The following CATSPERD variants were observed in gnomAD, a reference collection of about 807,000 sequenced individuals.
CATSPERD encodes catsper channel auxiliary subunit delta.
Under a neutral mutation model 98.1 loss-of-function variants are expected in CATSPERD, and 86 were observed. That is an observed-to-expected ratio of 0.88 (90% CI 0.74 to 1.05). The LOEUF (loss-of-function observed/expected upper bound fraction) is 1.05. Among genes scored for constraint, CATSPERD ranks in the 50% least tolerant of loss-of-function variants. The pLI is 0.00. For missense variants in CATSPERD, 995 were observed against 1,005.7 expected (o/e 0.99, Z 0.14); for synonymous variants, 394 against 390.2 (o/e 1.01, Z -0.12).
chr19:5,775,056 GGCTAAGTTATTAA>G (rs1442245720), intron 20 of CATSPERD, among the ~76,000 whole-genome samples: 1 of 152,086 alleles, frequency 6.6e-6, no homozygotes, highest in Non-Finnish European at 1.5e-5. Context: ...CTCTCACCCA[GGCTAAGTTATTAA>G]GCCTCCAGCC....
intron 9 of CATSPERD, among the ~76,000 whole-genome samples, chr19:5,747,309 G>T (rs2056113748): frequency 1.3e-5 from 2 of 151,032 alleles, no homozygotes; most frequent in South Asian, 4.2e-4. Flanking sequence ...CAGTAACTGG[G>T]ACTACAGGTG....
intron 13 of CATSPERD, among the ~76,000 whole-genome samples, 157 bp downstream of exon 13, chr19:5,754,402 T>C (rs2056285930): frequency 6.9e-6 from 1 of 145,222 alleles, no homozygotes; most frequent in African/African-American, 2.5e-5. Context: ...TCTTTTTTTT[T>C]TTTTTTTTTT....
In CATSPERD at chr19:5,754,127, A is replaced by C; in HGVS notation, c.1165-5A>C. ...ATTATCTTTCTTCTTCGCCTTTTTA[A>C]CTAGATAGAGTTTCTGACAGGAGAA... On this transcript the variant is annotated splice_region_variant and splice_polypyrimidine_tract_variant and intron_variant, in intron 12 of 21. Coordinates refer to ENST00000381624, the MANE Select transcript of CATSPERD (RefSeq NM_152784.4). 6.3e-7 allele frequency: 1 copy of C among 1,582,918 alleles called. No homozygotes were observed. Among genetic ancestry groups the C allele is most frequent in the East Asian group, 2.2e-5 (1 of 44,744 alleles).
intron 11 of CATSPERD, among the ~76,000 whole-genome samples, chr19:5,750,827 C>T (rs2056198537): frequency 6.6e-6 from 1 of 152,002 alleles, no homozygotes; most frequent in Admixed American, 6.6e-5. Flanking sequence ...TTCCTCCCTC[C>T]CCCAGCCCTC....
At chr19:5,761,206 AT>A (rs1463491157) in intron 15 of CATSPERD, among the ~76,000 whole-genome samples, 60 of 151,866 alleles carry the variant, frequency 4.0e-4, no homozygotes, top group Non-Finnish European at 7.4e-5. Flanking sequence ...GGTTCAAATG[AT>A]TCTCTTGCCT....
At chr19:5,727,365 C>G in intron 3 of CATSPERD, 21 bp downstream of exon 3, 2 of 1,462,154 alleles carry the variant, frequency 1.4e-6, no homozygotes, top group Non-Finnish European at 1.9e-6. Flanking sequence ...ATTTTATGTA[C>G]TGTTACCTTC....
chr19:5,766,288 TGA>T, intron 17 of CATSPERD, 133 bp downstream of exon 17: 17 of 195,844 alleles, frequency 8.7e-5, no homozygotes, highest in South Asian at 1.3e-4. Flanking sequence ...CCGTCTCTAC[TGA>T]AAAAAAAAAA....
chr19:5,775,333 T>G, intron 20 of CATSPERD: 1 of 468,180 alleles, frequency 2.1e-6, no homozygotes, highest in Non-Finnish European at 4.4e-6. Flanking sequence ...CCTGCGTATT[T>G]ATTGAGTAGA....
chr19:5,753,328 A>G (rs1366539368), intron 12 of CATSPERD, among the ~76,000 whole-genome samples: 1 of 151,830 alleles, frequency 6.6e-6, no homozygotes, highest in African/African-American at 2.4e-5. Flanking sequence ...TGGGAGGCTA[A>G]GGTGGGTGGA....
chr19:5,731,013 A>T (rs2055705455), intron 4 of CATSPERD, among the ~76,000 whole-genome samples: 1 of 149,364 alleles, frequency 6.7e-6, no homozygotes, highest in South Asian at 2.1e-4. Flanking sequence ...AATGGCATGA[A>T]CCCAGGAGGC....
intron 13 of CATSPERD, 142 bp from the exon 14 acceptor site, chr19:5,757,701 A>G: frequency 1.8e-6 from 1 of 542,288 alleles, no homozygotes; most frequent in Non-Finnish European, 3.2e-6. Context: ...TTGGTCTCCC[A>G]AAGTGCTGGG....
At chr19:5,720,886 T>C in intron 1 of CATSPERD, 78 bp downstream of exon 1, 1 of 1,228,456 alleles carries the variant, frequency 8.1e-7, no homozygotes, top group Non-Finnish European at 1.1e-6. Context: ...AGCCGAGGCC[T>C]GCTCCCCAAC....
intron 13 of CATSPERD, among the ~76,000 whole-genome samples, chr19:5,755,808 A>T (rs1159167345): frequency 1.3e-5 from 2 of 151,634 alleles, no homozygotes; most frequent in African/African-American, 2.4e-5. Flanking sequence ...AAAATAAATT[A>T]AAAAAATAAA....
chr19:5,757,069 G>T (rs1222361977), intron 13 of CATSPERD, among the ~76,000 whole-genome samples: 4 of 152,012 alleles, frequency 2.6e-5, no homozygotes, highest in Non-Finnish European at 5.9e-5. Flanking sequence ...GGCCAATATG[G>T]TGAAACCCCA....
chr19:5,767,689 G>A (rs938947716), intron 17 of CATSPERD, among the ~76,000 whole-genome samples: 4 of 151,028 alleles, frequency 2.6e-5, no homozygotes, highest in East Asian at 2.0e-4. Context: ...GGGTTTCACC[G>A]TGTTAGCCAG....
intron 20 of CATSPERD, among the ~76,000 whole-genome samples, chr19:5,774,823 C>T (rs754713725): frequency 9.9e-5 from 15 of 152,114 alleles, no homozygotes; most frequent in Admixed American, 9.2e-4. Flanking sequence ...TAGAGACCAG[C>T]CTGACCAACA....
chr19:5,770,993 C>T lies in CATSPERD; in HGVS notation c.1684C>T (p.His562Tyr). The T allele has an allele frequency of 1.2e-6, 2 of 1,614,012 alleles. No individual in the cohort carries two copies. The highest frequency in any genetic ancestry group is 1.7e-6 in the Non-Finnish European group (2 of 1,179,956). Reference sequence around the variant, plus strand: ...GGGGCAGCAGTCCTCCGAGGACCTGCACGTGTTTTACTCCTACCAGCAGCT... The same window carrying T: ...GGGGCAGCAGTCCTCCGAGGACCTGTACGTGTTTTACTCCTACCAGCAGCT... ...FQGQQSSEDL[H>Y]VFYSYQQLGC... The change falls in exon 19 of 22, where the codon CAC becomes TAC. Residue 562 changes from histidine to tyrosine, a missense_variant. By Grantham distance (83) the His-to-Tyr change is moderately conservative. Transcript: ENST00000381624.
intron 13 of CATSPERD, among the ~76,000 whole-genome samples, chr19:5,756,559 T>A (rs536178681): frequency 7.9e-4 from 120 of 151,912 alleles, no homozygotes; most frequent in African/African-American, 2.8e-3. Flanking sequence ...GAAGGGCGAG[T>A]GGGTTTTGTT....
At chr19:5,721,944 G>A (rs1040335847) in intron 1 of CATSPERD, among the ~76,000 whole-genome samples, 3 of 148,938 alleles carry the variant, frequency 2.0e-5, no homozygotes, top group African/African-American at 5.0e-5. Context: ...AGCTGAGATC[G>A]CACTCCAGCC....
Sources: gnomAD v4.1 joint callset for allele counts (sites outside exome capture counted in the v4.1 genomes callset) on GRCh38, gnomAD v4.1.1 for gene constraint, MANE v1.5 for transcripts, NCBI Gene and HGNC (gene_info 2026-07-23, HGNC 2026-07-21) for gene names.